SULT1B1: variants seen among roughly 807,000 people sequenced by gnomAD.
The protein encoded by SULT1B1 is sulfotransferase 1B1.
A neutral mutation model predicts 34.6 loss-of-function variants in SULT1B1; 28 were observed. The ratio of observed to expected loss-of-function variants is 0.81; its 90% CI spans 0.60 to 1.11. The LOEUF (loss-of-function observed/expected upper bound fraction) is 1.11, where lower values mean the gene tolerates loss of function less well. SULT1B1 is among the 50% of genes least tolerant of loss of function. The pLI, the probability that SULT1B1 is intolerant of heterozygous loss-of-function variation, is 0.00. For missense variants in SULT1B1, 374 were observed against 352.2 expected, an observed-to-expected ratio of 1.06 and a Z score of -0.50; for synonymous variants, 147 against 110.2, an observed-to-expected ratio of 1.33 and a Z score of -2.09.
chr4:69,733,380 G>T, intron 6 of SULT1B1, 33 bp downstream of exon 6: 1 of 1,485,036 alleles, frequency 6.7e-7, no homozygotes, highest in Non-Finnish European at 9.2e-7. Flanking sequence ...ATGCAGTGGG[G>T]AAATTATCCA....
At chr4:69,754,973 T>G in intron 2 of SULT1B1, 97 bp downstream of exon 2, 1 of 1,292,770 alleles carries the variant, frequency 7.7e-7, no homozygotes, top group Non-Finnish European at 1.1e-6. Context: ...AAATGAATAT[T>G]AACTTTATTT....
chr4:69,726,885 C>T lies in SULT1B1; in HGVS notation c.*203G>A, dbSNP rs1237610096. On this transcript the variant is annotated 3_prime_UTR_variant, in exon 8 of 8. Transcript: ENST00000310613. Reference sequence around the variant, plus strand: ...TTTGTTACAAAAAGTTAACAATGAACTTTAGCCTTAGAGAATTTGGAAACT... The same window carrying T: ...TTTGTTACAAAAAGTTAACAATGAATTTTAGCCTTAGAGAATTTGGAAACT... 2.3e-6 allele frequency: 1 copy of T among 431,480 alleles called. No individual in the cohort carries two copies. The highest frequency in any genetic ancestry group is 2.1e-5 in the African/African-American group (1 of 48,366). 26.7% of individuals were successfully genotyped at this position (431,480 alleles called of 1,614,324 possible).
In SULT1B1 at chr4:69,726,574, AAT is replaced by A. The variant is rs1485589596; in HGVS notation, c.*512_*513del. On this transcript the variant is annotated 3_prime_UTR_variant, in exon 8 of 8. Coordinates refer to ENST00000310613, the MANE Select transcript of SULT1B1 (RefSeq NM_014465.4). ...TCGGGGACATGAACTTTGTTATCCA[AAT>A]AGAGGCACTGCAGGAAGATGAGCTA... 2 of 152,046 alleles carry A rather than the reference AAT, an allele frequency of 1.3e-5. No individual in the cohort carries two copies. Among genetic ancestry groups the A allele is most frequent in the Non-Finnish European group, 2.9e-5 (2 of 67,990 alleles). 9.4% of individuals were successfully genotyped at this position (152,046 alleles called of 1,614,324 possible).
At chr4:69,747,663 C>T (rs1057498424) in intron 4 of SULT1B1, among the ~76,000 whole-genome samples, 3 of 152,194 alleles carry the variant, frequency 2.0e-5, no homozygotes, top group Non-Finnish European at 2.9e-5. Context: ...CTCCACACAG[C>T]GTAGAGTACT....
chr4:69,727,789 C>T (rs1323931887), intron 7 of SULT1B1, among the ~76,000 whole-genome samples: 2 of 151,762 alleles, frequency 1.3e-5, no homozygotes, highest in Admixed American at 1.3e-4. Context: ...TATATAACAT[C>T]CTGGAACCAT....
intron 3 of SULT1B1, among the ~76,000 whole-genome samples, chr4:69,754,024 C>G (rs1159045341): frequency 6.6e-6 from 1 of 152,148 alleles, no homozygotes; most frequent in African/African-American, 2.4e-5. Flanking sequence ...GTGAATTGTC[C>G]TTTGCTCAAT....
intron 3 of SULT1B1, among the ~76,000 whole-genome samples, chr4:69,752,577 T>A (rs1232486887): frequency 2.6e-5 from 4 of 152,218 alleles, no homozygotes. Context: ...AGGAAACAAC[T>A]GGGATTTTAT....
chr4:69,734,059 T>C, intron 5 of SULT1B1, 79 bp downstream of exon 5: 5 of 1,196,202 alleles, frequency 4.2e-6, no homozygotes, highest in Non-Finnish European at 5.6e-6. Context: ...AATAAGTATT[T>C]TGAAAGTCAT....
At position 69,734,223 on chromosome 4, in the gene SULT1B1, T is replaced by A; in HGVS notation, c.417A>T (p.Ser139=). ...TATTCATTAAGTCAAAATGGTAATA[T>A]GAGACTGAAACATCCTTGGCATTAC... ...LARNAKDVSV[S]YYHFDLMNNL... The change falls in exon 5 of 8, where the codon TCA becomes TCT. Residue 139 remains serine, a synonymous_variant. Coordinates refer to ENST00000310613, the MANE Select transcript of SULT1B1 (RefSeq NM_014465.4). 4 of 1,613,190 alleles carry A rather than the reference T, an allele frequency of 2.5e-6. No individual in the cohort carries two copies. The highest frequency in any genetic ancestry group is 3.4e-6 in the Non-Finnish European group (4 of 1,179,614).
intron 4 of SULT1B1, among the ~76,000 whole-genome samples, chr4:69,745,301 G>C (rs1480492303): frequency 6.6e-6 from 1 of 152,148 alleles, no homozygotes; most frequent in Non-Finnish European, 1.5e-5. Context: ...TGTCAGTGTG[G>C]TGTTGAAGTC....
rs1222679681 is a variant in SULT1B1 at position 69,727,130 on chromosome 4, T to C, written c.849A>G (p.Thr283=). ...QNEKFDAIYE[T]EMSKTALQFR... is the part of the protein sequence containing the mutation. ...ATTGAAGTGCAGTTTTGGACATTTC[T>C]GTCTCATAAATAGCATCAAATTTCT... Residue 283 remains threonine (T), a synonymous_variant, in exon 8 of 8, where the codon ACA becomes ACG. Transcript: ENST00000310613. The C allele has an allele frequency of 1.7e-5, 28 of 1,611,542 alleles. No homozygotes were observed. The highest frequency in any genetic ancestry group is 2.4e-5 in the Non-Finnish European group (28 of 1,178,668).
At chr4:69,733,094 A>G (rs1718147101) in intron 6 of SULT1B1, among the ~76,000 whole-genome samples, 1 of 152,180 alleles carries the variant, frequency 6.6e-6, no homozygotes, top group Admixed American at 6.5e-5. Context: ...ATTTTTAAAA[A>G]CAATGTTAAA....
rs1717679770 is a variant in SULT1B1, at chr4:69,722,102, T to C, written c.*4986A>G. ...GGATAGTGACATTTGCATCATAGAA[T>C]AAATATATAAGAGGCAACAACCTAT... On this transcript the variant is annotated 3_prime_UTR_variant, in exon 8 of 8. Coordinates refer to ENST00000310613, the MANE Select transcript of SULT1B1 (RefSeq NM_014465.4). 1 of 152,112 alleles carries C rather than the reference T, an allele frequency of 6.6e-6. No individual in the cohort carries two copies. The highest frequency in any genetic ancestry group is 1.5e-5 in the Non-Finnish European group (1 of 67,984). The allele number at this position is 152,112 out of a possible 1,614,324, so 9.4% of individuals were successfully genotyped here. A position where few individuals can be genotyped will look rare whatever the true frequency, so the allele number is the denominator to read the frequency against.
chr4:69,756,962 CACACACACACACACACAG>C (rs906214394), intron 1 of SULT1B1, among the ~76,000 whole-genome samples: 2 of 146,314 alleles, frequency 1.4e-5, no homozygotes, highest in African/African-American at 5.1e-5. Flanking sequence ...CCCTCACAGA[CACACACACACACACACAG>C]ACACACACAC....
Position 69,734,364 on chromosome 4 carries a change from T to C in SULT1B1, c.376-100A>G. The C allele has an allele frequency of 4.4e-6, 6 of 1,357,574 alleles. No homozygotes were observed. In the South Asian group the frequency reaches 8.9e-5, roughly 20 times the overall value. The allele number at this position is 1,357,574 out of a possible 1,614,324, so 84.1% of individuals were successfully genotyped here. ...GCATGTAAAAAAGCAGAGTACTTTT[T>C]CAAATAGAAATTGTGGGCCAGGGAG... is the stretch of plus-strand genomic sequence containing the variant. On this transcript the variant is annotated intron_variant, in intron 4 of 7. Transcript: ENST00000310613.
At chr4:69,755,412 A>G in intron 1 of SULT1B1, among the ~76,000 whole-genome samples, 151 bp from the exon 2 acceptor site, 1 of 152,192 alleles carries the variant, frequency 6.6e-6, no homozygotes, top group East Asian at 1.9e-4. Flanking sequence ...CATTAGGTGC[A>G]GTAGATTGCA....
intron 4 of SULT1B1, among the ~76,000 whole-genome samples, chr4:69,743,000 G>C (rs1165158260): frequency 1.3e-5 from 2 of 152,208 alleles, no homozygotes; most frequent in African/African-American, 2.4e-5. Flanking sequence ...GAACCACAGA[G>C]CCCTAAAGAG....
At chr4:69,734,296 A>T (rs778889833) in intron 4 of SULT1B1, 32 bp from the exon 5 acceptor site, 48 of 1,595,386 alleles carry the variant, frequency 3.0e-5, no homozygotes, top group Non-Finnish European at 3.9e-5. Flanking sequence ...GGAGAAAAAA[A>T]TAAGATAAAA....
chr4:69,730,892 A>G (rs1560520269), intron 6 of SULT1B1, among the ~76,000 whole-genome samples: 4 of 152,206 alleles, frequency 2.6e-5, no homozygotes, highest in Admixed American at 2.0e-4. Context: ...GTCCTCTCTG[A>G]CAGAAGAATA....
Sources: allele counts gnomAD v4.1 joint callset (sites outside exome capture counted in the v4.1 genomes callset), GRCh38; gene constraint gnomAD v4.1.1; transcripts MANE v1.5; gene names NCBI Gene and HGNC (gene_info 2026-07-23, HGNC 2026-07-21).